BCL7C: variants seen among roughly 807,000 people sequenced by gnomAD.
BCL7C encodes B-cell CLL/lymphoma 7 protein family member C.
A neutral mutation model predicts 26.2 loss-of-function variants in BCL7C; 8 were observed. That is an observed-to-expected ratio of 0.30 (90% confidence interval 0.18 to 0.55). The LOEUF (loss-of-function observed/expected upper bound fraction) is 0.55, where lower values mean the gene tolerates loss of function less well. Ranked by LOEUF, BCL7C falls within the 20% of genes least tolerant of loss-of-function variation. The probability of loss-of-function intolerance (pLI) is 0.93; values close to 1 mark genes in which losing one functional copy is unlikely to be tolerated. For synonymous variants in BCL7C, 90 were observed against 116.5 expected (o/e 0.77, Z 1.47); for missense variants, 262 against 298.5 (o/e 0.88, Z 0.90).
At chr16:30,867,108 A>C (rs776462548) in intron 5 of BCL7C, among the ~76,000 whole-genome samples, 6 of 152,198 alleles carry the variant, frequency 3.9e-5, no homozygotes, top group Admixed American at 1.3e-4. Flanking sequence ...AAATCTAGCC[A>C]TATGCAATGT....
At chr16:30,875,317 T>C (rs1046941027) in intron 5 of BCL7C, 9 of 153,852 alleles carry the variant, frequency 5.8e-5, no homozygotes, top group African/African-American at 1.9e-4. Flanking sequence ...TGCGCACTGC[T>C]GAGGTTGCCC....
At chr16:30,866,532 G>A (rs546031279) in intron 5 of BCL7C, among the ~76,000 whole-genome samples, 8 of 150,108 alleles carry the variant, frequency 5.3e-5, no homozygotes, top group African/African-American at 7.4e-5. Context: ...AGCCAAGATC[G>A]GGCCACTGCA....
chr16:30,840,294 T>C (rs1391391182), intron 5 of BCL7C, among the ~76,000 whole-genome samples: 3 of 151,276 alleles, frequency 2.0e-5, no homozygotes, highest in Non-Finnish European at 4.4e-5. Flanking sequence ...CTCCACTCAT[T>C]GCAACCTCTG....
chr16:30,890,538 A>G (rs1453961691), intron 4 of BCL7C, among the ~76,000 whole-genome samples: 2 of 151,618 alleles, frequency 1.3e-5, no homozygotes, highest in Non-Finnish European at 2.9e-5. Flanking sequence ...TGTAGTAAAA[A>G]TTAAATGAGA....
intron 5 of BCL7C, among the ~76,000 whole-genome samples, chr16:30,846,067 G>A (rs1451934429): frequency 2.9e-5 from 4 of 138,328 alleles, no homozygotes; most frequent in South Asian, 2.7e-4. Context: ...CTGAGATCAC[G>A]CCACTGCACT....
rs1352510982 is a variant in BCL7C at position 30,893,527 on chromosome 16, G to A, written c.93-237C>T. On this transcript the variant is annotated intron_variant, in intron 1 of 5. Coordinates refer to ENST00000215115, the MANE Select transcript of BCL7C (RefSeq NM_004765.4). This position sits in a 1 kb window ranked among gnomAD's most constrained non-coding sequence, Gnocchi z 5.2. Reference sequence around the variant, plus strand: ...GGCCCTGGCTCTGCGGACCCCTGGGGCACACATGGGGGGCGTGGCTATGGG... The same window carrying A: ...GGCCCTGGCTCTGCGGACCCCTGGGACACACATGGGGGGCGTGGCTATGGG... Among the ~76,000 whole-genome samples, 3 of 152,264 alleles carry A rather than the reference G, an allele frequency of 2.0e-5. No homozygotes were observed. Among genetic ancestry groups the A allele is most frequent in the Admixed American group, 6.5e-5 (1 of 15,304 alleles).
Position 30,892,719 on chromosome 16 carries a change from C to T in BCL7C, c.309G>A (p.Ser103=), listed in dbSNP as rs747532561. ...NDENSNQSFH[S]EGSLQKGTEP... is the part of the protein sequence containing the mutation. ...CTGTGCCCTTTTGCAGGGAACCTTC[C>T]GAATGGAAACTCTGGTTGCTGTTCT... Residue 103 remains serine (S), a synonymous_variant, in exon 4 of 6, where the codon TCG becomes TCA. Transcript: ENST00000215115. 1.1e-5 allele frequency: 18 copies of T among 1,614,002 alleles called. No homozygotes were observed. The highest frequency in any genetic ancestry group is 4.4e-5 in the South Asian group (4 of 91,088).
At chr16:30,856,904 C>G (rs1010587800) in intron 5 of BCL7C, among the ~76,000 whole-genome samples, 3 of 152,190 alleles carry the variant, frequency 2.0e-5, no homozygotes, top group Non-Finnish European at 4.4e-5. Flanking sequence ...GCTTTGCTCT[C>G]TATTGGATAT....
intron 5 of BCL7C, among the ~76,000 whole-genome samples, chr16:30,843,068 G>A (rs1333774008): frequency 6.6e-6 from 1 of 152,218 alleles, no homozygotes; most frequent in African/African-American, 2.4e-5. Flanking sequence ...GCCAAATCAT[G>A]AGCAACTGCC....
chr16:30,893,907 C>T lies in BCL7C; in HGVS notation c.38G>A (p.Arg13Gln). 2 of 1,600,628 alleles carry T rather than the reference C, an allele frequency of 1.2e-6. No individual in the cohort carries two copies. The highest frequency in any genetic ancestry group is 8.5e-7 in the Non-Finnish European group (1 of 1,178,616). The change falls in exon 1 of 6, where the codon CGG (arginine) becomes CAG (glutamine). Residue 13 changes from arginine to glutamine, a missense_variant. Transcript: ENST00000215115. This position sits in a 1 kb window ranked among gnomAD's most constrained non-coding sequence, Gnocchi z 5.2. The stretch of plus-strand genomic sequence containing the variant: ...CACCTTCTTGATGTCATCCTTGGCC[C>T]GGCTCCGGGTCTCGGCCCGTACAGT... Reference protein sequence around the residue: ...GRTVRAETRSRAKDDIKKVMA... With the variant: ...GRTVRAETRSQAKDDIKKVMA...
chr16:30,892,667 G>T lies in BCL7C; in HGVS notation c.361C>A (p.Pro121Thr), dbSNP rs578156778. 163 of 1,613,906 alleles carry T rather than the reference G, an allele frequency of 1.0e-4. 2 individuals carry two copies. In the South Asian group the frequency reaches 1.7e-3, roughly 17 times the overall value. Residue 121 changes from proline (P) to threonine (T), a missense_variant, in exon 4 of 6, where the codon CCC becomes ACC. Transcript: ENST00000215115. The stretch of plus-strand genomic sequence containing the variant: ...CCGGCAGGTGACACAGGGCGGCTGG[G>T]CTGGGGGGTGCCCCCAGGACTGGGC... ...TEPSPGGTPQPSRPVSPAGPP... is the reference protein window; with the variant it reads ...TEPSPGGTPQTSRPVSPAGPP...
rs1187827463 is a variant in BCL7C, at chr16:30,879,689, CA to C, written c.528+9170del. On this transcript the variant is annotated intron_variant, in intron 5 of 5. Transcript: ENST00000380317. ...AACACAGAGAGACTCCCCTTCTCTA[CA>C]AAAAAAAAAAAAAAAAAAACTGGGC... Among the ~76,000 whole-genome samples, 37 of 29,400 alleles carry C rather than the reference CA, an allele frequency of 1.3e-3. 2 individuals carry two copies. The highest frequency in any genetic ancestry group is 1.4e-3 in the African/African-American group (11 of 7,766). 19.3% of individuals were successfully genotyped at this position (29,400 alleles called of 152,430 possible). A position where few individuals can be genotyped will look rare whatever the true frequency, so the allele number is the denominator to read the frequency against.
At chr16:30,888,762 C>A (rs988372679) in intron 5 of BCL7C, 98 bp downstream of exon 5, 2 of 1,143,612 alleles carry the variant, frequency 1.7e-6, no homozygotes, top group Non-Finnish European at 2.6e-6. Context: ...AGGTCTGCCT[C>A]TCCTCCAGGC....
Position 30,834,781 on chromosome 16 carries a change from T to C in BCL7C, c.*167A>G. 2 of 623,136 alleles carry C rather than the reference T, an allele frequency of 3.2e-6. No individual in the cohort carries two copies. The highest frequency in any genetic ancestry group is 6.1e-5 in the East Asian group (2 of 32,770). The allele number at this position is 623,136 out of a possible 1,614,324, so 38.6% of individuals were successfully genotyped here. A position where few individuals can be genotyped will look rare whatever the true frequency, so the allele number is the denominator to read the frequency against. ...ATTCGGGCGCCAGTGGCGAGCCAGA[T>C]GGGTGCTGTGGCCTTAGGTTCGGGC... On this transcript the variant is annotated 3_prime_UTR_variant, in exon 6 of 6. Transcript: ENST00000380317. This position sits in a 1 kb window ranked among gnomAD's most constrained non-coding sequence, Gnocchi z 4.3.
downstream of BCL7C, among the ~76,000 whole-genome samples, chr16:30,885,592 C>A (rs923860759): frequency 1.3e-5 from 2 of 152,032 alleles, no homozygotes; most frequent in African/African-American, 4.8e-5. Context: ...TTAGTAGAGA[C>A]GGAGTTTCAC....
At chr16:30,878,049 C>G (rs1428080798) in intron 5 of BCL7C, among the ~76,000 whole-genome samples, 1 of 151,938 alleles carries the variant, frequency 6.6e-6, no homozygotes, top group Non-Finnish European at 1.5e-5. Flanking sequence ...GTGGCAGGCA[C>G]CTGTAATCCC....
intron 5 of BCL7C, among the ~76,000 whole-genome samples, chr16:30,871,682 A>G (rs1365681048): frequency 6.6e-6 from 1 of 152,046 alleles, no homozygotes; most frequent in Non-Finnish European, 1.5e-5. Context: ...ACAGGGTTTC[A>G]CCATGTTGGC....
At chr16:30,857,972 CA>C (rs58563705) in intron 5 of BCL7C, among the ~76,000 whole-genome samples, 77,992 of 115,874 alleles carry the variant, frequency 0.67, 24,017 homozygotes, top group East Asian at 0.88. Flanking sequence ...ACTCCAACTC[CA>C]AAAAAAAAAA....
At chr16:30,854,582 G>A (rs1596589181) in intron 5 of BCL7C, among the ~76,000 whole-genome samples, 1 of 152,094 alleles carries the variant, frequency 6.6e-6, no homozygotes, top group East Asian at 1.9e-4. Context: ...TCAGAATAGG[G>A]AAGTTTCATC....
Sources: allele counts gnomAD v4.1 joint callset (sites outside exome capture counted in the v4.1 genomes callset), GRCh38; gene constraint gnomAD v4.1.1; non-coding constraint Gnocchi (gnomAD v3.1); transcripts MANE v1.5; gene names NCBI Gene and HGNC (gene_info 2026-07-23, HGNC 2026-07-21).